Variants in SKAP2 observed in about 807,000 individuals in gnomAD.
SKAP2 encodes src kinase associated phosphoprotein 2.
A neutral mutation model predicts 54.9 loss-of-function variants in SKAP2; 28 were observed. The ratio of observed to expected loss-of-function variants is 0.51; its 90% confidence interval spans 0.38 to 0.70. SKAP2 has a LOEUF of 0.70. SKAP2 is among the 30% of genes least tolerant of loss of function. The pLI is 0.00. For missense variants in SKAP2, 356 were observed against 424.1 expected (o/e 0.84, Z 1.41); for synonymous variants, 137 against 134.3 (o/e 1.02, Z -0.14).
the SKAP2 span, among the ~76,000 whole-genome samples, chr7:26,661,614 G>C: frequency 6.6e-6 from 1 of 152,078 alleles, no homozygotes; most frequent in African/African-American, 2.4e-5. Flanking sequence ...CCATAGCTTG[G>C]AAGTCAATGA....
chr7:26,668,680 T>A lies in SKAP2; in HGVS notation c.*986A>T, dbSNP rs951836447. 241 of 151,320 alleles carry A rather than the reference T, an allele frequency of 1.6e-3. 1 individual carries two copies. The highest frequency in any genetic ancestry group is 5.6e-3 in the African/African-American group (232 of 41,080). The allele number at this position is 151,320 out of a possible 1,614,324, so 9.4% of individuals were successfully genotyped here. On this transcript the variant is annotated 3_prime_UTR_variant, in exon 13 of 13. Transcript: ENST00000345317. ...AGATTCTGTTTTTTTTTTTTTTTTT[T>A]TCTGAGATGGAGTCTCACTCTGTCG...
intron 9 of SKAP2, among the ~76,000 whole-genome samples, chr7:26,705,000 A>G (rs1383955518): frequency 1.3e-5 from 2 of 152,178 alleles, no homozygotes; most frequent in South Asian, 2.1e-4. Flanking sequence ...CAGGCAAACC[A>G]GATCTTACTT....
At chr7:26,824,242 T>C (rs1336704063) in intron 4 of SKAP2, among the ~76,000 whole-genome samples, 1 of 152,248 alleles carries the variant, frequency 6.6e-6, no homozygotes, top group Non-Finnish European at 1.5e-5. Context: ...AGATGATTGC[T>C]GACATTTATT....
intron 9 of SKAP2, among the ~76,000 whole-genome samples, chr7:26,717,237 A>T (rs1158870172): frequency 6.6e-6 from 1 of 152,266 alleles, no homozygotes; most frequent in East Asian, 1.9e-4. Context: ...TTGGCCTGGC[A>T]CAGTGGCTCA....
In SKAP2 at chr7:26,714,628, A is replaced by C. The variant is rs1340757163; in HGVS notation, c.796+10800T>G. Among the ~76,000 whole-genome samples, 7 of 152,228 alleles carry C rather than the reference A, an allele frequency of 4.6e-5. 1 individual carries two copies. Among genetic ancestry groups the C allele is most frequent in the South Asian group, 4.1e-4 (2 of 4,834 alleles). ...TCATTCTTATTAATCACTGCTTTAA[A>C]GTAAGCAGCTGAGTACTCTTAGGAA... On this transcript the variant is annotated intron_variant, in intron 9 of 12. Transcript: ENST00000345317.
chr7:26,854,232 T>C, intron 2 of SKAP2, 70 bp from the exon 3 acceptor site: 1 of 985,766 alleles, frequency 1.0e-6, no homozygotes. Context: ...GTAACAATAA[T>C]TAAAATCCAA....
intron 9 of SKAP2, among the ~76,000 whole-genome samples, chr7:26,721,834 G>C (rs935190487): frequency 6.6e-6 from 1 of 152,092 alleles, no homozygotes; most frequent in Non-Finnish European, 1.5e-5. Flanking sequence ...GAGCAAACAG[G>C]GTTGGTTTCT....
intron 3 of SKAP2, among the ~76,000 whole-genome samples, chr7:26,853,888 A>C (rs553732465): frequency 1.3e-5 from 2 of 152,274 alleles, no homozygotes; most frequent in African/African-American, 4.8e-5. Context: ...TCTAAGAAAC[A>C]CAAAACCTAA....
intron 11 of SKAP2, 133 bp downstream of exon 11, chr7:26,684,603 G>C (rs1469997563): frequency 5.0e-6 from 3 of 595,966 alleles, no homozygotes; most frequent in Non-Finnish European, 9.0e-6. Flanking sequence ...TAATTATTGT[G>C]AACTCCCAAT....
At chr7:26,671,522 T>A (rs1017667150) in intron 11 of SKAP2, among the ~76,000 whole-genome samples, 2 of 152,120 alleles carry the variant, frequency 1.3e-5, no homozygotes, top group East Asian at 3.9e-4. Context: ...AATAGAGAGA[T>A]TATAGGATAA....
intron 9 of SKAP2, among the ~76,000 whole-genome samples, chr7:26,692,659 T>C (rs1786810349): frequency 6.6e-6 from 1 of 152,244 alleles, no homozygotes; most frequent in East Asian, 1.9e-4. Context: ...ATAGAAGACC[T>C]AATAAAAGTA....
At chr7:26,823,525 C>T (rs1784427427) in intron 4 of SKAP2, among the ~76,000 whole-genome samples, 3 of 151,050 alleles carry the variant, frequency 2.0e-5, no homozygotes, top group South Asian at 4.2e-4. Flanking sequence ...CCAGCTACAA[C>T]ACTCCCTTAA....
intron 4 of SKAP2, among the ~76,000 whole-genome samples, chr7:26,789,867 G>T (rs1399814131): frequency 3.9e-5 from 6 of 152,166 alleles, no homozygotes; most frequent in African/African-American, 1.4e-4. Context: ...TGCCAAAGGG[G>T]AATAAGTATA....
At chr7:26,749,151 T>C (rs1047030012) in intron 4 of SKAP2, among the ~76,000 whole-genome samples, 3 of 152,098 alleles carry the variant, frequency 2.0e-5, no homozygotes, top group Non-Finnish European at 4.4e-5. Flanking sequence ...AATAAAAACA[T>C]GAATGTTAAA....
At chr7:26,853,738 A>C (rs7791513) in intron 3 of SKAP2, among the ~76,000 whole-genome samples, 32,428 of 152,118 alleles carry the variant, frequency 0.21, 3,558 homozygotes, top group Non-Finnish European at 0.24. Flanking sequence ...CAGCCACAGG[A>C]CCTTCTCCCA....
At chr7:26,781,150 T>G (rs1056060287) in intron 4 of SKAP2, among the ~76,000 whole-genome samples, 1 of 152,164 alleles carries the variant, frequency 6.6e-6, no homozygotes, top group Non-Finnish European at 1.5e-5. Context: ...TTATAAAAGA[T>G]GACAAAGATG....
At chr7:26,686,512 C>T (rs1304324051) in intron 10 of SKAP2, among the ~76,000 whole-genome samples, 1 of 152,004 alleles carries the variant, frequency 6.6e-6, no homozygotes, top group African/African-American at 2.4e-5. Flanking sequence ...TTTTTTTCCC[C>T]AAAGCATATA....
chr7:26,683,337 G>A (rs1304731574), intron 11 of SKAP2, among the ~76,000 whole-genome samples: 1 of 152,126 alleles, frequency 6.6e-6, no homozygotes, highest in Non-Finnish European at 1.5e-5. Context: ...ACTATCTATA[G>A]CGTCCAAGAA....
At chr7:26,739,119 G>A (rs1782372447) in intron 5 of SKAP2, among the ~76,000 whole-genome samples, 1 of 152,118 alleles carries the variant, frequency 6.6e-6, no homozygotes, top group African/African-American at 2.4e-5. Context: ...TTCTGACAGG[G>A]ACAGTCAAAA....
Sources: gnomAD v4.1 joint callset for allele counts (sites outside exome capture counted in the v4.1 genomes callset) on GRCh38, gnomAD v4.1.1 for gene constraint, MANE v1.5 for transcripts, NCBI Gene and HGNC (gene_info 2026-07-23, HGNC 2026-07-21) for gene names.